Variants in ALMS1 observed in about 807,000 individuals in gnomAD.
ALMS1 encodes centrosome-associated protein ALMS1.
ALMS1 carries 271 observed loss-of-function variants against 352.2 expected under a neutral mutation model. The observed-to-expected ratio is 0.77, with a 90% CI of 0.70 to 0.85. The LOEUF is 0.85. Among genes scored for constraint, ALMS1 ranks in the 40% least tolerant of loss-of-function variants. The pLI is 0.00. For synonymous variants in ALMS1, 1,865 were observed against 1,761.2 expected, an observed-to-expected ratio of 1.06 and a Z score of -1.48; for missense variants, 5,445 against 4,870.7, an observed-to-expected ratio of 1.12 and a Z score of -3.51.
Position 73,453,171 on chromosome 2 carries a change from G to A in ALMS1, c.6644G>A (p.Ser2215Asn). The A allele has an allele frequency of 6.2e-7, 1 of 1,614,054 alleles. No individual in the cohort carries two copies. The highest frequency in any genetic ancestry group is 8.5e-7 in the Non-Finnish European group (1 of 1,179,990). The change falls in exon 8 of 23, where the codon AGT becomes AAT. Residue 2215 changes from serine (S) to asparagine (N), a missense_variant. Physicochemically the swap from Ser to Asn is conservative, Grantham distance 46. Coordinates refer to ENST00000613296, the MANE Select transcript of ALMS1 (RefSeq NM_001378454.1). ...LIDNLNSSDSSVSSNNVLLNS... is the reference protein window; with the variant it reads ...LIDNLNSSDSNVSSNNVLLNS... ...GATAATTTGAATTCTTCTGACTCCA[G>A]TGTTAGCTCAAATAATGTGCTTTTA... is the stretch of plus-strand genomic sequence containing the variant.
At chr2:73,428,034 A>C (rs992435810) in intron 6 of ALMS1, among the ~76,000 whole-genome samples, 4 of 152,144 alleles carry the variant, frequency 2.6e-5, no homozygotes, top group Admixed American at 2.0e-4. Context: ...AATTTATTAC[A>C]TTTATTAAAG....
Position 73,609,551 on chromosome 2 carries a change from TTTC to T in ALMS1, c.12463-14_12463-12del. ...AGTAATATCTAACTTCTTTCCTGCC[TTTC>T]TTTTCTTCTACAGAGAGTGACCAAT... On this transcript the variant is annotated splice_polypyrimidine_tract_variant and intron_variant, in intron 22 of 22. Transcript: ENST00000613296. 1 of 1,613,992 alleles carries T rather than the reference TTTC, an allele frequency of 6.2e-7. No individual in the cohort carries two copies. The highest frequency in any genetic ancestry group is 8.5e-7 in the Non-Finnish European group (1 of 1,179,850).
chr2:73,538,825 C>T (rs995957098), intron 12 of ALMS1, among the ~76,000 whole-genome samples: 3 of 152,188 alleles, frequency 2.0e-5, no homozygotes, highest in African/African-American at 4.8e-5. Context: ...AAGGCGGCAG[C>T]GAGGCTGGGG....
At chr2:73,417,061 C>A (rs1671194108) in intron 2 of ALMS1, among the ~76,000 whole-genome samples, 1 of 152,082 alleles carries the variant, frequency 6.6e-6, no homozygotes, top group African/African-American at 2.4e-5. Flanking sequence ...CCACTGTATT[C>A]TGGCCTGGTT....
At chr2:73,487,426 C>T (rs1672875330) in intron 9 of ALMS1, among the ~76,000 whole-genome samples, 1 of 152,122 alleles carries the variant, frequency 6.6e-6, no homozygotes, top group Admixed American at 6.5e-5. Flanking sequence ...TGTGGGCACC[C>T]ACATCTGGGT....
In ALMS1 at chr2:73,449,517, C is replaced by T. The variant is rs1240072348; in HGVS notation, c.2990C>T (p.Thr997Ile). Residue 997 changes from threonine (T) to isoleucine (I), a missense_variant, in exon 8 of 23, where the codon ACA becomes ATA. Thr to Ile is a moderately conservative substitution (Grantham distance 89). Coordinates refer to ENST00000613296, the MANE Select transcript of ALMS1 (RefSeq NM_001378454.1). ...LTDQKTVPTP[T>I]VPSGSFSHRE... ...GACCAGAAGACTGTCCCAACACCAACAGTACCTTCAGGTTCCTTCTCACAT... is the reference window on the plus strand; with the variant it reads ...GACCAGAAGACTGTCCCAACACCAATAGTACCTTCAGGTTCCTTCTCACAT... 2.5e-6 allele frequency: 4 copies of T among 1,613,934 alleles called. No individual in the cohort carries two copies. Among genetic ancestry groups the T allele is most frequent in the African/African-American group, 1.3e-5 (1 of 74,924 alleles).
In ALMS1 at chr2:73,408,899, G is replaced by T. The variant is rs1287008429; in HGVS notation, c.450+152G>T. 20 of 707,658 alleles carry T rather than the reference G, an allele frequency of 2.8e-5. No homozygotes were observed. In the Admixed American group the frequency reaches 6.7e-4, roughly 24 times the overall value. 43.8% of individuals were successfully genotyped at this position (707,658 alleles called of 1,614,324 possible). A position where few individuals can be genotyped will look rare whatever the true frequency, so the allele number is the denominator to read the frequency against. On this transcript the variant is annotated intron_variant, in intron 2 of 22. Coordinates refer to ENST00000613296, the MANE Select transcript of ALMS1 (RefSeq NM_001378454.1). ...TTTTTTTTTTTTTTTTTAAGACAGG[G>T]TCTCACTCTGTCACCCAGGCTGGAG... is the stretch of plus-strand genomic sequence containing the variant.
At position 73,516,000 on chromosome 2, in the gene ALMS1, G is replaced by A. The variant is rs1404642663; in HGVS notation, c.9540-3775G>A. Among the ~76,000 whole-genome samples the A allele has an allele frequency of 4.6e-5, 7 of 152,078 alleles. No individual in the cohort carries two copies. In the East Asian group the frequency reaches 9.6e-4, roughly 21 times the overall value. ...CACGACAAAAGAAACCGTCAGCATAGTAAATGAACAACGTACAGAATGGGA... is the reference window on the plus strand; with the variant it reads ...CACGACAAAAGAAACCGTCAGCATAATAAATGAACAACGTACAGAATGGGA... On this transcript the variant is annotated intron_variant, in intron 10 of 22. Coordinates refer to ENST00000613296, the MANE Select transcript of ALMS1 (RefSeq NM_001378454.1).
intron 17 of ALMS1, among the ~76,000 whole-genome samples, chr2:73,600,172 T>A (rs1197998556): frequency 6.6e-6 from 1 of 152,206 alleles, no homozygotes; most frequent in Non-Finnish European, 1.5e-5. Context: ...AAACGAATTC[T>A]CTGGAACCAT....
rs141980244 is a variant in ALMS1, at chr2:73,603,485, G to A, written c.12362+181G>A. The A allele has an allele frequency of 7.4e-3, 4,623 of 621,930 alleles. 35 individuals are homozygous for A. The highest frequency in any genetic ancestry group is 9.1e-3 in the Non-Finnish European group (3,147 of 347,214). 38.5% of individuals were successfully genotyped at this position (621,930 alleles called of 1,614,324 possible). A position where few individuals can be genotyped will look rare whatever the true frequency, so the allele number is the denominator to read the frequency against. ...AAAAAAAGCACATCATGGTATGAATGACTCATATGCAAAAGATGAAAAACT... is the reference window on the plus strand; with the variant it reads ...AAAAAAAGCACATCATGGTATGAATAACTCATATGCAAAAGATGAAAAACT... On this transcript the variant is annotated intron_variant, in intron 21 of 22. Transcript: ENST00000613296.
At chr2:73,538,782 C>G (rs1411209879) in intron 12 of ALMS1, among the ~76,000 whole-genome samples, 1 of 152,214 alleles carries the variant, frequency 6.6e-6, no homozygotes, top group African/African-American at 2.4e-5. Flanking sequence ...GAGCCTCGCT[C>G]ATTGCTAGCA....
At chr2:73,516,058 G>T (rs1673549050) in intron 10 of ALMS1, among the ~76,000 whole-genome samples, 1 of 151,848 alleles carries the variant, frequency 6.6e-6, no homozygotes, top group African/African-American at 2.4e-5. Context: ...TCCAACAAAG[G>T]TCTAATATCC....
At chr2:73,463,273 A>G (rs150157395) in intron 9 of ALMS1, among the ~76,000 whole-genome samples, 97 of 152,360 alleles carry the variant, frequency 6.4e-4, no homozygotes, top group Middle Eastern at 3.4e-3. Context: ...AGTGCAATCA[A>G]ATTGGAACTC....
intron 9 of ALMS1, among the ~76,000 whole-genome samples, chr2:73,478,529 T>C (rs78963116): frequency 6.6e-6 from 1 of 152,238 alleles, no homozygotes; most frequent in Non-Finnish European, 1.5e-5. Flanking sequence ...CCCACTGATA[T>C]GTCAGGAGGT....
chr2:73,599,420 C>T lies in ALMS1; in HGVS notation c.11567C>T (p.Ser3856Phe), dbSNP rs1414717577. 4.3e-6 allele frequency: 7 copies of T among 1,613,190 alleles called. No individual in the cohort carries two copies. Among genetic ancestry groups the T allele is most frequent in the Admixed American group, 3.3e-5 (2 of 59,996 alleles). ...RHIQVANHVI[S>F]SDSISSSASS... ...TTCTAGGTAGCAAACCATGTGATTT[C>T]TTCTGACTCTATTTCCTCTTCTGCC... is the stretch of plus-strand genomic sequence containing the variant. Residue 3856 changes from serine to phenylalanine, a missense_variant, in exon 17 of 23, where the codon TCT becomes TTT. By Grantham distance (155) the Ser-to-Phe change is radical. Coordinates refer to ENST00000613296, the MANE Select transcript of ALMS1 (RefSeq NM_001378454.1).
In ALMS1 at chr2:73,451,184, G is replaced by C; in HGVS notation, c.4657G>C (p.Ala1553Pro). The C allele has an allele frequency of 6.2e-7, 1 of 1,614,000 alleles. No individual in the cohort carries two copies. Among genetic ancestry groups the C allele is most frequent in the Non-Finnish European group, 8.5e-7 (1 of 1,179,988 alleles). The change falls in exon 8 of 23, where the codon GCT becomes CCT. Residue 1553 changes from alanine (A) to proline (P), a missense_variant. Ala to Pro is a conservative substitution (Grantham distance 27). Transcript: ENST00000613296. ...TGAAGAGGCTCTCAGAGTTTCTTCT[G>C]CTCCTGGACCAGCTGACCAGACAAC... The part of the protein sequence containing the change: ...IPEEALRVSS[A>P]PGPADQTTGI...
chr2:73,545,426 C>T (rs1674292827), intron 12 of ALMS1, among the ~76,000 whole-genome samples: 2 of 152,114 alleles, frequency 1.3e-5, no homozygotes, highest in South Asian at 4.1e-4. Context: ...AGTGATCTTC[C>T]TGCCTCAGCC....
intron 5 of ALMS1, 106 bp from the exon 6 acceptor site, chr2:73,426,347 A>G: frequency 1.9e-6 from 2 of 1,063,484 alleles, no homozygotes; most frequent in Non-Finnish European, 2.9e-6. Flanking sequence ...CGCCCAAGAG[A>G]CATTGCTGAA....
At chr2:73,598,590 G>GATAT (rs1282542569) in intron 16 of ALMS1, among the ~76,000 whole-genome samples, 1 of 152,006 alleles carries the variant, frequency 6.6e-6, no homozygotes, top group African/African-American at 2.4e-5. Flanking sequence ...TCCTTACCCT[G>GATAT]GCTTTAATTT....
Sources: gnomAD v4.1 joint callset for allele counts (sites outside exome capture counted in the v4.1 genomes callset) on GRCh38, gnomAD v4.1.1 for gene constraint, MANE v1.5 for transcripts, NCBI Gene and HGNC (gene_info 2026-07-23, HGNC 2026-07-21) for gene names.